TNFRSF21: variants seen among roughly 807,000 people sequenced by gnomAD.
TNFRSF21 encodes the protein tumor necrosis factor receptor superfamily member 21.
TNFRSF21 carries 19 observed loss-of-function variants against 45.6 expected under a neutral mutation model. That is an observed-to-expected ratio of 0.42 (90% CI 0.29 to 0.61). The LOEUF (loss-of-function observed/expected upper bound fraction) is 0.61. Ranked by LOEUF, TNFRSF21 falls within the 20% of genes least tolerant of loss-of-function variation. The pLI, the probability that TNFRSF21 is intolerant of heterozygous loss-of-function variation, is 0.23. For synonymous variants in TNFRSF21, 314 were observed against 335.5 expected, an observed-to-expected ratio of 0.94 and a Z score of 0.70; for missense variants, 737 against 851.5, an observed-to-expected ratio of 0.87 and a Z score of 1.67.
intron 1 of TNFRSF21, among the ~76,000 whole-genome samples, chr6:47,301,093 T>G (rs185668670): frequency 2.6e-4 from 40 of 152,340 alleles, no homozygotes; most frequent in African/African-American, 8.2e-4. Flanking sequence ...CTTACATAAG[T>G]TTAAATTGTT....
chr6:47,245,753 T>C (rs751377653), intron 4 of TNFRSF21, among the ~76,000 whole-genome samples: 1 of 152,196 alleles, frequency 6.6e-6, no homozygotes, highest in South Asian at 2.1e-4. Flanking sequence ...TAGTCAGTTT[T>C]CATACTGCTA....
chr6:47,240,981 A>G (rs1561937905), intron 4 of TNFRSF21, among the ~76,000 whole-genome samples: 3 of 152,254 alleles, frequency 2.0e-5, no homozygotes, highest in African/African-American at 4.8e-5. Context: ...ATATTATCTC[A>G]AGCCTGTTTC....
At chr6:47,269,946 C>T (rs1762391622) in intron 3 of TNFRSF21, among the ~76,000 whole-genome samples, 1 of 152,290 alleles carries the variant, frequency 6.6e-6, no homozygotes, top group South Asian at 2.1e-4. Context: ...TTCTATAACC[C>T]CAGCCTCTAC....
rs374641516 is a variant in TNFRSF21, at chr6:47,286,439, G to A, written c.253C>T (p.Leu85=). 3.7e-6 allele frequency: 6 copies of A among 1,614,114 alleles called. No homozygotes were observed. Among genetic ancestry groups the A allele is most frequent in the African/African-American group, 2.7e-5 (2 of 74,926 alleles). The change falls in exon 2 of 6, where the codon CTG becomes TTG. Residue 85 remains leucine (L), a synonymous_variant. Coordinates refer to ENST00000296861, the MANE Select transcript of TNFRSF21 (RefSeq NM_014452.5). ...YVSEHCTNTS[L]RVCSSCPVGT... Reference sequence around the variant, plus strand: ...ACAGGGCAACTGCTGCAGACGCGCAGGCTTGTGTTGGTACAATGCTCAGAG... The same window carrying A: ...ACAGGGCAACTGCTGCAGACGCGCAAGCTTGTGTTGGTACAATGCTCAGAG...
chr6:47,252,912 A>T (rs562834233), intron 4 of TNFRSF21, among the ~76,000 whole-genome samples: 140 of 152,256 alleles, frequency 9.2e-4, no homozygotes, highest in Admixed American at 1.6e-3. Context: ...TTTTGTTCAA[A>T]GTGTGTCATG....
chr6:47,303,307 C>T (rs1216198407), intron 1 of TNFRSF21, among the ~76,000 whole-genome samples: 1 of 152,150 alleles, frequency 6.6e-6, no homozygotes, highest in Non-Finnish European at 1.5e-5. Flanking sequence ...TTACTAAGTG[C>T]CCCCCTTAGT....
At chr6:47,238,244 C>T (rs968685548) in intron 4 of TNFRSF21, among the ~76,000 whole-genome samples, 3 of 152,192 alleles carry the variant, frequency 2.0e-5, no homozygotes, top group Non-Finnish European at 4.4e-5. Flanking sequence ...TGGCTGAGCT[C>T]CTCTCTATAC....
At chr6:47,270,025 C>T (rs1367893799) in intron 3 of TNFRSF21, among the ~76,000 whole-genome samples, 1 of 152,206 alleles carries the variant, frequency 6.6e-6, no homozygotes, top group Non-Finnish European at 1.5e-5. Context: ...AACTTAAGCA[C>T]ATAGTCCCAA....
chr6:47,295,898 T>C (rs1029433004), intron 1 of TNFRSF21, among the ~76,000 whole-genome samples: 1 of 152,124 alleles, frequency 6.6e-6, no homozygotes, highest in Non-Finnish European at 1.5e-5. Context: ...ATGTGCTGAC[T>C]GCAGGACTGG....
chr6:47,275,823 G>A (rs1049347578), intron 3 of TNFRSF21, among the ~76,000 whole-genome samples: 2 of 152,114 alleles, frequency 1.3e-5, no homozygotes, highest in Non-Finnish European at 2.9e-5. Context: ...GTTGCAGTGA[G>A]CACACAATCC....
chr6:47,247,675 G>A (rs554502786), intron 4 of TNFRSF21, among the ~76,000 whole-genome samples: 35 of 152,214 alleles, frequency 2.3e-4, no homozygotes, highest in Admixed American at 8.5e-4. Context: ...AAAATAGAAG[G>A]CCCAGTACTT....
chr6:47,251,834 A>G (rs1764905488), intron 4 of TNFRSF21, among the ~76,000 whole-genome samples: 1 of 152,220 alleles, frequency 6.6e-6, no homozygotes, highest in South Asian at 2.1e-4. Flanking sequence ...GCCTAGTTTT[A>G]CTTGTGAATA....
chr6:47,248,415 G>T (rs1183909950), intron 4 of TNFRSF21, among the ~76,000 whole-genome samples: 1 of 152,062 alleles, frequency 6.6e-6, no homozygotes, highest in East Asian at 1.9e-4. Flanking sequence ...TCCCACCCTA[G>T]CCAAGGCGCA....
At chr6:47,309,181 A>G (rs1306243940) in intron 1 of TNFRSF21, among the ~76,000 whole-genome samples, 3 of 152,180 alleles carry the variant, frequency 2.0e-5, no homozygotes, top group Admixed American at 2.0e-4. Flanking sequence ...CCAGACTGCA[A>G]GGAAAACAAT....
At chr6:47,236,876 T>A (rs1161791664) in intron 4 of TNFRSF21, among the ~76,000 whole-genome samples, 1 of 152,174 alleles carries the variant, frequency 6.6e-6, no homozygotes. Flanking sequence ...AGTACACTGT[T>A]CTTGCTTAAA....
chr6:47,304,148 C>A (rs1309900155), intron 1 of TNFRSF21, among the ~76,000 whole-genome samples: 1 of 152,052 alleles, frequency 6.6e-6, no homozygotes, highest in African/African-American at 2.4e-5. Context: ...CCGGAATTTG[C>A]CAGGCCTGCT....
At chr6:47,270,590 A>C (rs1388260133) in intron 3 of TNFRSF21, among the ~76,000 whole-genome samples, 1 of 152,234 alleles carries the variant, frequency 6.6e-6, no homozygotes, top group Non-Finnish European at 1.5e-5. Flanking sequence ...AATTCTAAAA[A>C]TCAGAGCGCA....
chr6:47,262,059 G>C (rs1032483320), intron 3 of TNFRSF21, among the ~76,000 whole-genome samples: 1 of 152,096 alleles, frequency 6.6e-6, no homozygotes, highest in Non-Finnish European at 1.5e-5. Flanking sequence ...TATTTCTGAA[G>C]CAGAATTTAT....
chr6:47,266,777 G>A (rs1762337763), intron 3 of TNFRSF21, among the ~76,000 whole-genome samples: 1 of 152,222 alleles, frequency 6.6e-6, no homozygotes, highest in Non-Finnish European at 1.5e-5. Context: ...AAGATGAAAA[G>A]AGACATTATA....
Sources: allele counts gnomAD v4.1 joint callset (sites outside exome capture counted in the v4.1 genomes callset), GRCh38; gene constraint gnomAD v4.1.1; transcripts MANE v1.5; gene names NCBI Gene and HGNC (gene_info 2026-07-23, HGNC 2026-07-21).